Variants in TOR1AIP1 observed in about 807,000 individuals in gnomAD.
TOR1AIP1 encodes the protein torsin-1A-interacting protein 1.
In TOR1AIP1, 54 loss-of-function variants were observed where a neutral mutation model predicts 63.3. The ratio of observed to expected loss-of-function variants is 0.85; its 90% CI spans 0.69 to 1.07. The LOEUF (loss-of-function observed/expected upper bound fraction) is 1.07, where lower values mean the gene tolerates loss of function less well. TOR1AIP1 is among the 50% of genes least tolerant of loss of function. TOR1AIP1 has a pLI of 0.00. For missense variants in TOR1AIP1, 736 were observed against 715.0 expected, an observed-to-expected ratio of 1.03 and a Z score of -0.33; for synonymous variants, 294 against 273.5, an observed-to-expected ratio of 1.07 and a Z score of -0.74.
At chr1:179,909,245 T>A (rs1648752218) in intron 8 of TOR1AIP1, among the ~76,000 whole-genome samples, 2 of 152,214 alleles carry the variant, frequency 1.3e-5, no homozygotes, top group South Asian at 4.1e-4. Flanking sequence ...CTGTATACAA[T>A]AATGAAATTC....
At chr1:179,917,364 T>C in intron 9 of TOR1AIP1, 88 bp from the exon 10 acceptor site, 2 of 1,115,504 alleles carry the variant, frequency 1.8e-6, no homozygotes, top group Non-Finnish European at 2.6e-6. Flanking sequence ...CTAATGTTTA[T>C]AAAGACTGAT....
chr1:179,894,250 C>CA lies in TOR1AIP1; in HGVS notation c.610+4897dup, dbSNP rs34076333. Among the ~76,000 whole-genome samples the CA allele has an allele frequency of 5.1e-3, 322 of 62,828 alleles. 1 individual carries two copies. The highest frequency in any genetic ancestry group is 0.025 in the East Asian group (54 of 2,138). The allele number at this position is 62,828 out of a possible 152,430, so 41.2% of individuals were successfully genotyped here. A position where few individuals can be genotyped will look rare whatever the true frequency, so the allele number is the denominator to read the frequency against. ...TGGGCGACAGAGCGAGACTCTGTCT[C>CA]AAAAAAAAAAAAAAAAGAATAAAGA... On this transcript the variant is annotated intron_variant, in intron 3 of 9. Coordinates refer to ENST00000606911, the MANE Select transcript of TOR1AIP1 (RefSeq NM_015602.4).
At chr1:179,902,090 A>AG (rs1648485818) in intron 5 of TOR1AIP1, among the ~76,000 whole-genome samples, 2 of 145,354 alleles carry the variant, frequency 1.4e-5, no homozygotes, top group Non-Finnish European at 3.0e-5. Context: ...CAGTGGCGCA[A>AG]TGTCGGCTCA....
intron 5 of TOR1AIP1, among the ~76,000 whole-genome samples, chr1:179,902,593 C>G (rs796861060): frequency 2.0e-5 from 3 of 152,164 alleles, no homozygotes; most frequent in African/African-American, 7.2e-5. Flanking sequence ...CTGTGTGTTT[C>G]CCACCCTTCC....
chr1:179,908,561 T>G, intron 7 of TOR1AIP1, 44 bp from the exon 8 acceptor site: 1 of 1,530,254 alleles, frequency 6.5e-7, no homozygotes, highest in Non-Finnish European at 9.0e-7. Flanking sequence ...GTATAAACTT[T>G]CAAAGTATGG....
chr1:179,915,485 G>A (rs1558047580), intron 9 of TOR1AIP1, among the ~76,000 whole-genome samples: 3 of 152,264 alleles, frequency 2.0e-5, no homozygotes, highest in Admixed American at 6.5e-5. Context: ...GGTGGGGTTC[G>A]TGGCCCATGC....
intron 3 of TOR1AIP1, among the ~76,000 whole-genome samples, chr1:179,892,136 T>G (rs894611123): frequency 1.3e-5 from 2 of 152,192 alleles, no homozygotes; most frequent in Non-Finnish European, 2.9e-5. Context: ...TTCCTCTAAT[T>G]CATCTTTCAC....
chr1:179,916,178 C>G (rs1164200965), intron 9 of TOR1AIP1, among the ~76,000 whole-genome samples: 2 of 152,170 alleles, frequency 1.3e-5, no homozygotes, highest in Non-Finnish European at 2.9e-5. Flanking sequence ...ATAACAATGA[C>G]TACACTCGTA....
intron 5 of TOR1AIP1, among the ~76,000 whole-genome samples, chr1:179,903,399 A>G (rs1379270847): frequency 6.6e-6 from 1 of 152,216 alleles, no homozygotes; most frequent in Non-Finnish European, 1.5e-5. Flanking sequence ...TCCGCAACTC[A>G]AAGGTTTTAT....
chr1:179,915,974 T>C (rs997934125), intron 9 of TOR1AIP1, among the ~76,000 whole-genome samples: 5 of 152,232 alleles, frequency 3.3e-5, no homozygotes, highest in African/African-American at 9.6e-5. Context: ...AAAATTCTTT[T>C]CCTTGAGACA....
intron 9 of TOR1AIP1, among the ~76,000 whole-genome samples, chr1:179,915,251 T>C (rs910592941): frequency 6.6e-6 from 1 of 152,246 alleles, no homozygotes; most frequent in Non-Finnish European, 1.5e-5. Context: ...TTACTTGAAA[T>C]AGGATATCTA....
At chr1:179,904,689 G>A (rs613185) in intron 6 of TOR1AIP1, 119,809 of 151,802 alleles carry the variant, frequency 0.79, 47,850 homozygotes, top group Middle Eastern at 0.93. Flanking sequence ...TAGTGGTGCC[G>A]TCATGGTTCA....
intron 6 of TOR1AIP1, among the ~76,000 whole-genome samples, chr1:179,906,778 C>T (rs1648650470): frequency 7.1e-6 from 1 of 140,864 alleles, no homozygotes; most frequent in African/African-American, 2.6e-5. Flanking sequence ...CGCTCTGTCG[C>T]CCAGGCAGGA....
At chr1:179,893,086 CA>C (rs1648151823) in intron 3 of TOR1AIP1, among the ~76,000 whole-genome samples, 1 of 151,820 alleles carries the variant, frequency 6.6e-6, no homozygotes, top group South Asian at 2.1e-4. Context: ...ACTAAAAATA[CA>C]AAAAATTAGT....
rs770926907 is a variant in TOR1AIP1, at chr1:179,917,874, C to A, written c.1387C>A (p.Gln463Lys). Reference protein sequence around the residue: ...DSDTVKLEVDQELSNGFKNGQ... With the variant: ...DSDTVKLEVDKELSNGFKNGQ... ...TGATACTGTCAAACTAGAGGTAGAC[C>A]AAGAACTGAGCAATGGATTTAAGAA... is the stretch of plus-strand genomic sequence containing the variant. Residue 463 changes from glutamine to lysine, a missense_variant, in exon 10 of 10, where the codon CAA (glutamine) becomes AAA (lysine). Physicochemically the swap from Gln to Lys is moderately conservative, Grantham distance 53 (BLOSUM62 1). Transcript: ENST00000606911. 3.7e-6 allele frequency: 6 copies of A among 1,614,110 alleles called. No individual in the cohort carries two copies. The highest frequency in any genetic ancestry group is 5.1e-6 in the Non-Finnish European group (6 of 1,180,022).
At chr1:179,917,065 TA>T in intron 9 of TOR1AIP1, among the ~76,000 whole-genome samples, 1 of 152,318 alleles carries the variant, frequency 6.6e-6, no homozygotes, top group African/African-American at 2.4e-5. Flanking sequence ...GCTGAGTTAC[TA>T]AATTAAAAAA....
At position 179,914,818 on chromosome 1, in the gene TOR1AIP1, T is replaced by G. The variant is rs147585601; in HGVS notation, c.964+764T>G. On this transcript the variant is annotated intron_variant, in intron 9 of 9. Transcript: ENST00000606911. Reference sequence around the variant, plus strand: ...AAAAAAAAAAAAAAAAGAAAATAGATTAATGATGATTCTGAAATTTTTTGT... The same window carrying G: ...AAAAAAAAAAAAAAAAGAAAATAGAGTAATGATGATTCTGAAATTTTTTGT... Among the ~76,000 whole-genome samples the G allele has an allele frequency of 3.9e-3, 589 of 151,616 alleles. 4 individuals are homozygous for G. The highest frequency in any genetic ancestry group is 0.013 in the African/African-American group (548 of 41,372).
At chr1:179,893,424 G>A (rs550895010) in intron 3 of TOR1AIP1, among the ~76,000 whole-genome samples, 13 of 152,164 alleles carry the variant, frequency 8.5e-5, no homozygotes, top group East Asian at 3.9e-4. Context: ...TCTCAAAAGC[G>A]TGATTGGCAT....
At chr1:179,913,942 A>AC in intron 8 of TOR1AIP1, 56 bp from the exon 9 acceptor site, 2 of 1,473,214 alleles carry the variant, frequency 1.4e-6, no homozygotes, top group Non-Finnish European at 1.9e-6. Flanking sequence ...CTAGAAATAA[A>AC]TACTCAAATT....
Sources: gnomAD v4.1 joint callset for allele counts (sites outside exome capture counted in the v4.1 genomes callset) on GRCh38, gnomAD v4.1.1 for gene constraint, MANE v1.5 for transcripts, NCBI Gene and HGNC (gene_info 2026-07-23, HGNC 2026-07-21) for gene names.